MYOM2: variants seen among roughly 807,000 people sequenced by gnomAD.
MYOM2 encodes the protein myomesin 2, also known as myomesin-2.
MYOM2 carries 254 observed loss-of-function variants against 187.6 expected under a neutral mutation model. The observed-to-expected ratio is 1.35, with a 90% CI of 1.22 to 1.50. MYOM2 has a LOEUF of 1.50. Among genes scored for constraint, MYOM2 ranks in the 40% most tolerant of loss-of-function variants. The pLI is 0.00. For missense variants in MYOM2, 2,796 were observed against 1,924.0 expected (o/e 1.45, Z -8.48); for synonymous variants, 981 against 753.8 (o/e 1.30, Z -4.94).
chr8:2,092,472 G>A lies in MYOM2; in HGVS notation c.1955G>A (p.Gly652Glu), dbSNP rs750721905. 1.2e-6 allele frequency: 2 copies of A among 1,614,102 alleles called. No homozygotes were observed. Among genetic ancestry groups the A allele is most frequent in the South Asian group, 1.1e-5 (1 of 91,080 alleles). ...TACTACGTGGACTGCTGTGTGGCCG[G>A]AACCAACCTCTGGGAGCCCTGCAAC... ...LGYYVDCCVA[G>E]TNLWEPCNHK... is the part of the protein sequence containing the mutation. Residue 652 changes from glycine to glutamate, a missense_variant, in exon 16 of 37, where the codon GGA (glycine) becomes GAA (glutamate). Gly to Glu is a moderately conservative substitution (Grantham distance 98). Coordinates refer to ENST00000262113, the MANE Select transcript of MYOM2 (RefSeq NM_003970.4).
At chr8:2,093,383 C>A (rs1235691882) in intron 16 of MYOM2, among the ~76,000 whole-genome samples, 1 of 152,172 alleles carries the variant, frequency 6.6e-6, no homozygotes, top group Non-Finnish European at 1.5e-5. Context: ...CTTACACGGA[C>A]TGAATATCTA....
At chr8:2,141,626 A>G (rs1356220305) in intron 34 of MYOM2, among the ~76,000 whole-genome samples, 1 of 151,860 alleles carries the variant, frequency 6.6e-6, no homozygotes, top group Non-Finnish European at 1.5e-5. Flanking sequence ...AGGTTGGAAT[A>G]CCTCTGGTTG....
At chr8:2,061,777 C>A (rs1025241262) in intron 6 of MYOM2, among the ~76,000 whole-genome samples, 1 of 152,322 alleles carries the variant, frequency 6.6e-6, no homozygotes, top group Non-Finnish European at 1.5e-5. Flanking sequence ...CAGATAAATC[C>A]GGGTTTCTCT....
chr8:2,052,989 G>A (rs1818543060), intron 3 of MYOM2, among the ~76,000 whole-genome samples: 1 of 152,212 alleles, frequency 6.6e-6, no homozygotes, highest in African/African-American at 2.4e-5. Context: ...CGGAGAAACA[G>A]GTGGTGATAT....
chr8:2,052,693 A>G (rs747643221), intron 3 of MYOM2, among the ~76,000 whole-genome samples: 2 of 152,214 alleles, frequency 1.3e-5, no homozygotes, highest in Non-Finnish European at 2.9e-5. Context: ...GGATAAGCAC[A>G]CATGAAAACA....
At chr8:2,104,957 T>C (rs1043633883) in intron 21 of MYOM2, among the ~76,000 whole-genome samples, 7 of 152,212 alleles carry the variant, frequency 4.6e-5, no homozygotes, top group African/African-American at 1.7e-4. Flanking sequence ...ATTCTGTTTT[T>C]TATAGAGACA....
intron 25 of MYOM2, among the ~76,000 whole-genome samples, chr8:2,112,885 T>G (rs1478270360): frequency 6.6e-6 from 1 of 152,184 alleles, no homozygotes; most frequent in African/African-American, 2.4e-5. Flanking sequence ...GAGAGGAGTG[T>G]GGTTCCAAGG....
At chr8:2,136,459 C>A (rs1330579300) in intron 32 of MYOM2, among the ~76,000 whole-genome samples, 1 of 152,180 alleles carries the variant, frequency 6.6e-6, no homozygotes, top group Non-Finnish European at 1.5e-5. Flanking sequence ...TGGTTTTTAC[C>A]CTTCGTCACT....
chr8:2,115,898 G>T (rs569866720), intron 25 of MYOM2, 62 bp from the exon 26 acceptor site: 74 of 1,550,596 alleles, frequency 4.8e-5, no homozygotes, highest in Non-Finnish European at 6.3e-5. Context: ...GTTAAATGTT[G>T]CAAGGGAAAA....
intron 32 of MYOM2, 82 bp from the exon 33 acceptor site, chr8:2,140,641 A>C (rs1435925200): frequency 2.1e-6 from 3 of 1,417,730 alleles, no homozygotes; most frequent in Non-Finnish European, 2.9e-6. Flanking sequence ...AGGCTGTCAC[A>C]GCAACGGGAC....
intron 28 of MYOM2, among the ~76,000 whole-genome samples, chr8:2,120,054 G>A (rs1443323560): frequency 6.6e-6 from 1 of 152,156 alleles, no homozygotes; most frequent in Non-Finnish European, 1.5e-5. Context: ...AGGCAAGACA[G>A]CAGCTCCTTA....
intron 32 of MYOM2, among the ~76,000 whole-genome samples, chr8:2,131,550 A>T (rs1797868054): frequency 6.6e-6 from 1 of 151,916 alleles, no homozygotes; most frequent in African/African-American, 2.4e-5. Context: ...AGGAGGTGTT[A>T]TTGTAAATCC....
intron 13 of MYOM2, among the ~76,000 whole-genome samples, chr8:2,080,376 C>A (rs1452134180): frequency 6.6e-6 from 1 of 152,220 alleles, no homozygotes; most frequent in Non-Finnish European, 1.5e-5. Context: ...GCAGATGGAT[C>A]CCCAACTAGT....
chr8:2,109,927 T>C (rs1585922948), intron 25 of MYOM2, among the ~76,000 whole-genome samples: 1 of 152,226 alleles, frequency 6.6e-6, no homozygotes, highest in East Asian at 1.9e-4. Context: ...CACTGACAGC[T>C]TCCCATGGAA....
intron 11 of MYOM2, chr8:2,076,767 A>G (rs1819439199): frequency 6.5e-6 from 1 of 153,336 alleles, no homozygotes; most frequent in African/African-American, 2.4e-5. Flanking sequence ...TTCCAAGTGA[A>G]AAATCTTGAG....
chr8:2,097,943 T>C (rs1274756855), intron 18 of MYOM2: 1 of 151,656 alleles, frequency 6.6e-6, no homozygotes, highest in Non-Finnish European at 1.5e-5. Flanking sequence ...TTTGTCCCTC[T>C]GTCCAGCGCC....
intron 17 of MYOM2, 104 bp from the exon 18 acceptor site, chr8:2,096,143 T>G (rs555200524): frequency 1.8e-6 from 2 of 1,098,970 alleles, no homozygotes; most frequent in Admixed American, 4.1e-5. Context: ...CAGGCCCGTC[T>G]CCACGTTGCT....
At chr8:2,056,739 C>T (rs1477275373) in intron 3 of MYOM2, among the ~76,000 whole-genome samples, 1 of 152,130 alleles carries the variant, frequency 6.6e-6, no homozygotes, top group Non-Finnish European at 1.5e-5. Context: ...CACCATTTTC[C>T]TACATTTTCA....
At chr8:2,143,541 A>T in intron 36 of MYOM2, 85 bp downstream of exon 36, 2 of 1,533,642 alleles carry the variant, frequency 1.3e-6, no homozygotes, top group Non-Finnish European at 1.8e-6. Flanking sequence ...AGCAGAGGGA[A>T]CCCAGTGAGG....
Sources: gnomAD v4.1 joint callset for allele counts (sites outside exome capture counted in the v4.1 genomes callset) on GRCh38, gnomAD v4.1.1 for gene constraint, MANE v1.5 for transcripts, NCBI Gene and HGNC (gene_info 2026-07-23, HGNC 2026-07-21) for gene names.